The following CDC37L1 variants were observed in gnomAD, a reference collection of about 807,000 sequenced individuals.
CDC37L1 encodes the protein hsp90 co-chaperone Cdc37-like 1.
CDC37L1 carries 32 observed loss-of-function variants against 45.9 expected under a neutral mutation model. The ratio of observed to expected loss-of-function variants is 0.70; its 90% confidence interval spans 0.53 to 0.94. CDC37L1 has a LOEUF of 0.94. Among genes scored for constraint, CDC37L1 ranks in the 40% least tolerant of loss-of-function variants. The probability of loss-of-function intolerance (pLI) is 0.00; values close to 1 mark genes in which losing one functional copy is unlikely to be tolerated. For missense variants in CDC37L1, 434 were observed against 405.7 expected, an observed-to-expected ratio of 1.07 and a Z score of -0.60; for synonymous variants, 150 against 133.0, an observed-to-expected ratio of 1.13 and a Z score of -0.88.
chr9:4,686,422 A>G (rs1223756203), intron 2 of CDC37L1, among the ~76,000 whole-genome samples: 2 of 152,098 alleles, frequency 1.3e-5, no homozygotes, highest in Non-Finnish European at 2.9e-5. Flanking sequence ...GTCATTTGCT[A>G]TATCTGTATA....
chr9:4,687,411 G>A (rs980582879), intron 2 of CDC37L1, among the ~76,000 whole-genome samples: 2 of 152,112 alleles, frequency 1.3e-5, no homozygotes, highest in Admixed American at 6.5e-5. Flanking sequence ...AGGCACAGTG[G>A]CTCATGCCTA....
Position 4,697,140 on chromosome 9 carries a change from C to A in CDC37L1, c.553C>A (p.His185Asn). 1 of 1,593,570 alleles carries A rather than the reference C, an allele frequency of 6.3e-7. No individual in the cohort carries two copies. The highest frequency in any genetic ancestry group is 8.6e-7 in the Non-Finnish European group (1 of 1,162,850). Residue 185 changes from histidine to asparagine, a missense_variant, in exon 4 of 7, where the codon CAT becomes AAT. By Grantham distance (68) the His-to-Asn change is moderately conservative. Coordinates refer to ENST00000381854, the MANE Select transcript of CDC37L1 (RefSeq NM_017913.4). ...WDDSQRFLSD[H>N]PYLVCEETAK... The stretch of plus-strand genomic sequence containing the variant: ...TGATAGCCAGAGATTTTTGTCTGAC[C>A]ATCCATACCTTGTATGTGAAGAAAC...
At position 4,706,598 on chromosome 9, in the gene CDC37L1, G is replaced by C. The variant is rs1221745742; in HGVS notation, c.*486G>C. 1 of 152,600 alleles carries C rather than the reference G, an allele frequency of 6.6e-6. No individual in the cohort carries two copies. The highest frequency in any genetic ancestry group is 6.5e-5 in the Admixed American group (1 of 15,280). 9.5% of individuals were successfully genotyped at this position (152,600 alleles called of 1,614,324 possible). Reference sequence around the variant, plus strand: ...CATTAAAAGCAATAAATCAGTAGTTGGTAATGTACTTTACTAAATAAGTTG... The same window carrying C: ...CATTAAAAGCAATAAATCAGTAGTTCGTAATGTACTTTACTAAATAAGTTG... On this transcript the variant is annotated 3_prime_UTR_variant, in exon 7 of 7. Coordinates refer to ENST00000381854, the MANE Select transcript of CDC37L1 (RefSeq NM_017913.4).
In CDC37L1 at chr9:4,701,966, G is replaced by C. The variant is rs755598090; in HGVS notation, c.850G>C (p.Val284Leu). 2 of 1,557,942 alleles carry C rather than the reference G, an allele frequency of 1.3e-6. No homozygotes were observed. The highest frequency in any genetic ancestry group is 2.4e-5 in the South Asian group (2 of 82,504). ...SQSQSFQPMT[V>L]QNHVPHSGVG... ...ATCACAAAGTTTTCAACCTATGACA[G>C]TTCAGAATCATGTTCCCCATTCTGG... Residue 284 changes from valine to leucine, a missense_variant, in exon 6 of 7, where the codon GTT (valine) becomes CTT (leucine). By Grantham distance (32) the Val-to-Leu change is conservative (BLOSUM62 1). Transcript: ENST00000381854.
rs971278408 is a variant in CDC37L1, at chr9:4,679,765, G to C, written c.-3G>C. 6.2e-7 allele frequency: 1 copy of C among 1,611,018 alleles called. No individual in the cohort carries two copies. The highest frequency in any genetic ancestry group is 1.1e-5 in the South Asian group (1 of 90,894). ...GCGGTTGTAGGACCCGGAGCAGCCG[G>C]ACATGGAACAACCGTGGCCGCCTCC... On this transcript the variant is annotated 5_prime_UTR_variant, in exon 1 of 7. Transcript: ENST00000381854.
intron 5 of CDC37L1, among the ~76,000 whole-genome samples, chr9:4,701,559 A>G (rs1224710104): frequency 6.6e-6 from 1 of 152,030 alleles, no homozygotes; most frequent in African/African-American, 2.4e-5. Flanking sequence ...AAGGATCTAG[A>G]TAAGTCAAGG....
intron 3 of CDC37L1, among the ~76,000 whole-genome samples, chr9:4,693,506 A>G (rs1204144569): frequency 6.6e-6 from 1 of 152,156 alleles, no homozygotes; most frequent in Admixed American, 6.5e-5. Context: ...GAAAGAGGAA[A>G]GGGAAATCAG....
intron 1 of CDC37L1, 121 bp downstream of exon 1, chr9:4,680,020 C>A: frequency 7.6e-7 from 1 of 1,309,974 alleles, no homozygotes; most frequent in Non-Finnish European, 1.0e-6. Flanking sequence ...TGCCAGGGGC[C>A]GGGGACCTGG....
At position 4,679,826 on chromosome 9, in the gene CDC37L1, C is replaced by T. The variant is rs1253247864; in HGVS notation, c.59C>T (p.Ala20Val). ...AGCCTCCCTCGGGCCGAGGGTGAGG[C>T]TGAGGAAGAGAGTGACTTCGACGTG... ...PWSLPRAEGE[A>V]EEESDFDVFP... Residue 20 changes from alanine to valine, a missense_variant, in exon 1 of 7, where the codon GCT becomes GTT. Transcript: ENST00000381854. 1 of 1,613,936 alleles carries T rather than the reference C, an allele frequency of 6.2e-7. No individual in the cohort carries two copies.
At position 4,706,407 on chromosome 9, in the gene CDC37L1, A is replaced by G. The variant is rs1052165866; in HGVS notation, c.*295A>G. On this transcript the variant is annotated 3_prime_UTR_variant, in exon 7 of 7. Transcript: ENST00000381854. ...CTCAATTTTGGAATCAAGTATGAAA[A>G]TCTGCACAAATGCAATGTTTACAAG... 1.0e-4 allele frequency: 22 copies of G among 211,006 alleles called. No individual in the cohort carries two copies. Among genetic ancestry groups the G allele is most frequent in the African/African-American group, 5.0e-4 (22 of 43,740 alleles). 13.1% of individuals were successfully genotyped at this position (211,006 alleles called of 1,614,324 possible).
intron 5 of CDC37L1, among the ~76,000 whole-genome samples, chr9:4,700,630 A>T (rs934870846): frequency 3.3e-5 from 5 of 152,220 alleles, no homozygotes; most frequent in Non-Finnish European, 7.3e-5. Flanking sequence ...CAATCTTAAC[A>T]TTGTATGCTT....
intron 2 of CDC37L1, 186 bp downstream of exon 2, chr9:4,685,344 G>C (rs148547756): frequency 2.7e-4 from 143 of 521,850 alleles, no homozygotes; most frequent in African/African-American, 2.6e-3. Context: ...TAGAGCTGCA[G>C]ACTCCAGGCA....
intron 3 of CDC37L1, among the ~76,000 whole-genome samples, chr9:4,693,319 T>C (rs1240345240): frequency 6.6e-6 from 1 of 151,412 alleles, no homozygotes. Flanking sequence ...GGCTTATACC[T>C]GTAGTCCCAG....
intron 3 of CDC37L1, among the ~76,000 whole-genome samples, chr9:4,694,568 G>A (rs530043178): frequency 2.6e-5 from 4 of 151,832 alleles, no homozygotes; most frequent in Non-Finnish European, 5.9e-5. Context: ...TATTAAATAG[G>A]TAGTTAAAAA....
rs1563766411 is a variant in CDC37L1, at chr9:4,682,159, C to CTTTTTTTTTTTTTT, written c.132+2261_132+2262insTTTTTTTTTTTTTT. On this transcript the variant is annotated intron_variant, in intron 1 of 6. Transcript: ENST00000381854. ...TACTTTTCTTGATATATTATCCTTT[C>CTTTTTTTTTTTTTT]TCTTTTTTTTTTTTTTTTTTTGAGG... Among the ~76,000 whole-genome samples the CTTTTTTTTTTTTTT allele has an allele frequency of 4.1e-5, 2 of 48,466 alleles. 1 individual carries two copies. Among genetic ancestry groups the CTTTTTTTTTTTTTT allele is most frequent in the Non-Finnish European group, 7.3e-5 (2 of 27,544 alleles). The allele number at this position is 48,466 out of a possible 152,430, so 31.8% of individuals were successfully genotyped here.
chr9:4,693,930 A>C (rs1841323927), intron 3 of CDC37L1, among the ~76,000 whole-genome samples: 2 of 152,202 alleles, frequency 1.3e-5, no homozygotes, highest in Admixed American at 1.3e-4. Context: ...TGGTGAAGCC[A>C]GTATTTGAAC....
intron 1 of CDC37L1, among the ~76,000 whole-genome samples, chr9:4,683,938 C>A (rs1196335783): frequency 6.6e-6 from 1 of 152,212 alleles, no homozygotes; most frequent in Non-Finnish European, 1.5e-5. Context: ...AAAGTAATTA[C>A]TACTGCTTCG....
chr9:4,704,589 T>A (rs1404015869), intron 6 of CDC37L1, among the ~76,000 whole-genome samples: 1 of 152,200 alleles, frequency 6.6e-6, no homozygotes, highest in Non-Finnish European at 1.5e-5. Flanking sequence ...AATAGAGTAA[T>A]TGTAAGCTCT....
At chr9:4,683,925 AT>A (rs1008529763) in intron 1 of CDC37L1, among the ~76,000 whole-genome samples, 3 of 152,262 alleles carry the variant, frequency 2.0e-5, no homozygotes, top group Non-Finnish European at 4.4e-5. Flanking sequence ...AATTAAGTAA[AT>A]AAAAGTAATT....
Sources: gnomAD v4.1 joint callset for allele counts (sites outside exome capture counted in the v4.1 genomes callset) on GRCh38, gnomAD v4.1.1 for gene constraint, MANE v1.5 for transcripts, NCBI Gene and HGNC (gene_info 2026-07-23, HGNC 2026-07-21) for gene names.